GALNT14: variants seen among roughly 807,000 people sequenced by gnomAD.
GALNT14 encodes polypeptide N-acetylgalactosaminyltransferase 14.
GALNT14 carries 60 observed loss-of-function variants against 77.5 expected under a neutral mutation model. The ratio of observed to expected loss-of-function variants is 0.77; its 90% confidence interval spans 0.63 to 0.96. The LOEUF is 0.96. Among genes scored for constraint, GALNT14 ranks in the 40% least tolerant of loss-of-function variants. The pLI is 0.00. For synonymous variants in GALNT14, 280 were observed against 281.7 expected, an observed-to-expected ratio of 0.99 and a Z score of 0.06; for missense variants, 710 against 731.0, an observed-to-expected ratio of 0.97 and a Z score of 0.33.
At chr2:31,035,602 CACACACACACACACCT>C (rs762578468) in intron 1 of GALNT14, among the ~76,000 whole-genome samples, 4,742 of 54,088 alleles carry the variant, frequency 0.088, 148 homozygotes, top group African/African-American at 0.14. Context: ...TATACATATA[CACACACACACACACCT>C]ACACACACAC....
At chr2:30,987,716 T>G (rs1418253297) in intron 2 of GALNT14, among the ~76,000 whole-genome samples, 1 of 25,494 alleles carries the variant, frequency 3.9e-5, no homozygotes, top group Non-Finnish European at 8.1e-5. Context: ...TCCCTCCCCC[T>G]CCTCCCCCTC....
intron 1 of GALNT14, among the ~76,000 whole-genome samples, chr2:31,040,879 T>C (rs1673056769): frequency 6.6e-6 from 1 of 152,140 alleles, no homozygotes; most frequent in South Asian, 2.1e-4. Flanking sequence ...TATAAATAAA[T>C]GAATGAAAGA....
chr2:30,994,240 A>T (rs1669886863), intron 1 of GALNT14, among the ~76,000 whole-genome samples: 2 of 152,148 alleles, frequency 1.3e-5, no homozygotes, highest in Non-Finnish European at 1.5e-5. Context: ...AAGTGTCTCA[A>T]GCTGCATGGG....
At chr2:30,987,262 AG>A (rs1558468714) in intron 2 of GALNT14, among the ~76,000 whole-genome samples, 1 of 152,146 alleles carries the variant, frequency 6.6e-6, no homozygotes, top group Non-Finnish European at 1.5e-5. Context: ...AATGCATGTA[AG>A]GGGTGAGGTG....
chr2:31,026,931 A>G (rs1672092322), intron 1 of GALNT14, among the ~76,000 whole-genome samples: 1 of 151,646 alleles, frequency 6.6e-6, no homozygotes, highest in African/African-American at 2.4e-5. Context: ...CACAGCACGC[A>G]TATCTACAAG....
chr2:30,937,615 C>T (rs917474422), intron 9 of GALNT14, among the ~76,000 whole-genome samples: 5 of 152,202 alleles, frequency 3.3e-5, no homozygotes, highest in African/African-American at 1.2e-4. Flanking sequence ...CTTCACATCT[C>T]TCTGGTTTCA....
chr2:30,899,110 C>T, the GALNT14 span, among the ~76,000 whole-genome samples: 4 of 152,220 alleles, frequency 2.6e-5, no homozygotes, highest in Non-Finnish European at 5.9e-5. Context: ...AGAGCTTCAT[C>T]TCTCTGTTGA....
chr2:30,903,290 T>C, the GALNT14 span, among the ~76,000 whole-genome samples: 3 of 152,242 alleles, frequency 2.0e-5, no homozygotes, highest in African/African-American at 7.2e-5. Flanking sequence ...GTTCCTGTGG[T>C]TGGCAGATTC....
chr2:31,000,626 G>A (rs1314600253), intron 1 of GALNT14, among the ~76,000 whole-genome samples: 1 of 152,148 alleles, frequency 6.6e-6, no homozygotes, highest in African/African-American at 2.4e-5. Flanking sequence ...GTGGTCTGCT[G>A]GCAGAATTCC....
chr2:31,108,310 T>C (rs1281207933), intron 1 of GALNT14, among the ~76,000 whole-genome samples: 1 of 152,212 alleles, frequency 6.6e-6, no homozygotes, highest in Admixed American at 6.5e-5. Flanking sequence ...GATGGAAACA[T>C]AAATTCTTCA....
chr2:30,907,291 A>G (rs1168021332), downstream of GALNT14, among the ~76,000 whole-genome samples: 1 of 152,228 alleles, frequency 6.6e-6, no homozygotes, highest in East Asian at 1.9e-4. Flanking sequence ...TGAAAGGATC[A>G]ACAAAATTGA....
At chr2:31,054,857 A>G (rs1674110948) in intron 1 of GALNT14, among the ~76,000 whole-genome samples, 1 of 152,220 alleles carries the variant, frequency 6.6e-6, no homozygotes, top group Admixed American at 6.5e-5. Flanking sequence ...AAACAAAAGC[A>G]TCATAACATC....
chr2:31,035,021 C>T (rs191300923), intron 1 of GALNT14, among the ~76,000 whole-genome samples: 4 of 152,184 alleles, frequency 2.6e-5, no homozygotes, highest in African/African-American at 9.7e-5. Flanking sequence ...AACATATGGC[C>T]TATCCTAGAG....
At chr2:31,129,547 A>G (rs1434076938) in intron 1 of GALNT14, 1 of 985,298 alleles carries the variant, frequency 1.0e-6, no homozygotes, top group Non-Finnish European at 1.2e-6. Context: ...TAATTAATCC[A>G]CAGACCACGT....
chr2:30,969,471 G>A (rs947528149), intron 2 of GALNT14, among the ~76,000 whole-genome samples: 2 of 152,192 alleles, frequency 1.3e-5, no homozygotes, highest in Non-Finnish European at 2.9e-5. Context: ...TTTGGGGACA[G>A]GGGCCATTTG....
At chr2:31,034,915 T>C (rs978267176) in intron 1 of GALNT14, among the ~76,000 whole-genome samples, 1 of 152,228 alleles carries the variant, frequency 6.6e-6, no homozygotes, top group African/African-American at 2.4e-5. Flanking sequence ...CAAATATCCT[T>C]TCATCATTGA....
rs539877368 is a variant in GALNT14 at position 30,992,633 on chromosome 2, G to A, written c.299+205C>T. On this transcript the variant is annotated intron_variant, in intron 2 of 14. Transcript: ENST00000349752. ...CCCCCAGCCTCCTGGTGGGACCTGC[G>A]GGGTTTGGGATTGCTCTCAGCAGTA... Among the ~76,000 whole-genome samples the A allele has an allele frequency of 1.9e-3, 292 of 152,252 alleles. 1 individual carries two copies. The highest frequency in any genetic ancestry group is 6.8e-3 in the Middle Eastern group (2 of 294).
intron 1 of GALNT14, among the ~76,000 whole-genome samples, chr2:31,057,376 A>G (rs761755951): frequency 0.057 from 1,855 of 32,340 alleles, 15 homozygotes; most frequent in Non-Finnish European, 0.073. Flanking sequence ...GTGTGTGTGT[A>G]TATATATATA....
intron 3 of GALNT14, among the ~76,000 whole-genome samples, chr2:30,963,371 T>C (rs533135709): frequency 6.6e-6 from 1 of 152,282 alleles, no homozygotes; most frequent in South Asian, 2.1e-4. Flanking sequence ...AGGCTCCAAC[T>C]GGAGTGAGAG....
Sources: allele counts gnomAD v4.1 joint callset (sites outside exome capture counted in the v4.1 genomes callset), GRCh38; gene constraint gnomAD v4.1.1; transcripts MANE v1.5; gene names NCBI Gene and HGNC (gene_info 2026-07-23, HGNC 2026-07-21).